MX1: variants seen among roughly 807,000 people sequenced by gnomAD.
The protein encoded by MX1 is MX dynamin like GTPase 1.
A neutral mutation model predicts 66.4 loss-of-function variants in MX1; 66 were observed. The ratio of observed to expected loss-of-function variants is 0.99; its 90% CI spans 0.82 to 1.22. The LOEUF is 1.22. Among genes scored for constraint, MX1 ranks in the 50% most tolerant of loss-of-function variants. The pLI is 0.00. For missense variants in MX1, 787 were observed against 834.3 expected, an observed-to-expected ratio of 0.94 and a Z score of 0.70; for synonymous variants, 311 against 318.1, an observed-to-expected ratio of 0.98 and a Z score of 0.24.
At chr21:41,438,618 G>A (rs116747640) in intron 7 of MX1, among the ~76,000 whole-genome samples, 73 of 152,338 alleles carry the variant, frequency 4.8e-4, no homozygotes, top group African/African-American at 1.6e-3. Flanking sequence ...AGAAAGTCAC[G>A]TGGCCAAGCC....
chr21:41,441,638 C>CG lies in MX1; in HGVS notation c.731-73dup. The stretch of plus-strand genomic sequence containing the variant: ...AGGATGGGAGGAAACCCTGGGAGGC[C>CG]GGGGGCGTGAGCAGTTGTTCGTTCA... On this transcript the variant is annotated intron_variant, in intron 9 of 16. Transcript: ENST00000398598. This position sits in a 1 kb window ranked among gnomAD's most constrained non-coding sequence, Gnocchi z 4.0. 1 of 1,472,782 alleles carries CG rather than the reference C, an allele frequency of 6.8e-7. No individual in the cohort carries two copies. Among genetic ancestry groups the CG allele is most frequent in the Middle Eastern group, 2.0e-4 (1 of 4,946 alleles). The allele number at this position is 1,472,782 out of a possible 1,614,324, so 91.2% of individuals were successfully genotyped here.
In MX1 at chr21:41,451,175, C is replaced by A. The variant is rs149908360; in HGVS notation, c.1441C>A (p.Arg481=). The change falls in exon 15 of 17, where the codon CGG becomes AGG. Residue 481 remains arginine, a synonymous_variant. Transcript: ENST00000398598. ...DMLHTVTDMV[R]LAFTDVSIKN... Reference sequence around the variant, plus strand: ...TTTCTCTCTTTGATTAGATATGGTCCGGCTTGCTTTCACAGATGTTTCGAT... The same window carrying A: ...TTTCTCTCTTTGATTAGATATGGTCAGGCTTGCTTTCACAGATGTTTCGAT... 1.2e-6 allele frequency: 2 copies of A among 1,609,396 alleles called. No individual in the cohort carries two copies. Among genetic ancestry groups the A allele is most frequent in the Admixed American group, 1.7e-5 (1 of 59,904 alleles).
At chr21:41,439,900 T>TGG in intron 8 of MX1, 52 bp downstream of exon 8, 15 of 1,063,992 alleles carry the variant, frequency 1.4e-5, no homozygotes, top group Non-Finnish European at 1.8e-5. Flanking sequence ...GATGGGGGAG[T>TGG]GGAGGGGTGG....
intron 7 of MX1, among the ~76,000 whole-genome samples, chr21:41,438,132 T>C (rs571483430): frequency 1.4e-4 from 22 of 152,370 alleles, no homozygotes; most frequent in Admixed American, 1.2e-3. Context: ...AGACATGAAC[T>C]AATGCCCAGC....
In MX1 at chr21:41,445,981, A is replaced by G. The variant is rs1203762302; in HGVS notation, c.1132-19A>G. The G allele has an allele frequency of 2.5e-6, 4 of 1,613,100 alleles. No individual in the cohort carries two copies. Among genetic ancestry groups the G allele is most frequent in the South Asian group, 2.2e-5 (2 of 91,028 alleles). ...ATTTGAAGTCTATCCACTTATACTGATGTTTTTCTTCTTGACAGAAAGTTA... is the reference window on the plus strand; with the variant it reads ...ATTTGAAGTCTATCCACTTATACTGGTGTTTTTCTTCTTGACAGAAAGTTA... On this transcript the variant is annotated intron_variant, in intron 12 of 16. Transcript: ENST00000398598.
chr21:41,427,101 A>T (rs1019506435), intron 1 of MX1, 105 bp from the exon 2 acceptor site: 9 of 152,256 alleles, frequency 5.9e-5, no homozygotes, highest in African/African-American at 2.2e-4. Context: ...ATTTTAAATC[A>T]CGTTTGTTAC....
rs1262449927 is a variant in MX1 at position 41,441,845 on chromosome 21, A to G, written c.860A>G (p.Gln287Arg). The change falls in exon 10 of 17, where the codon CAG becomes CGG. Residue 287 changes from glutamine (Q) to arginine (R), a missense_variant. Transcript: ENST00000398598. The surrounding 1 kb of genome is among the most constrained non-coding windows in gnomAD (Gnocchi z 4.0). Reference protein sequence around the residue: ...IVKCRGQQEIQDQLSLSEALQ... With the variant: ...IVKCRGQQEIRDQLSLSEALQ... ...AAGTGCCGGGGCCAGCAGGAGATCC[A>G]GGACCAGCTGAGCCTGTCCGAAGCC... 2 of 1,614,222 alleles carry G rather than the reference A, an allele frequency of 1.2e-6. No individual in the cohort carries two copies. Among genetic ancestry groups the G allele is most frequent in the Admixed American group, 1.7e-5 (1 of 60,024 alleles).
chr21:41,431,814 G>A (rs137966670), intron 4 of MX1: 6 of 440,394 alleles, frequency 1.4e-5, no homozygotes, highest in East Asian at 8.8e-5. Flanking sequence ...GGGAGGCAGC[G>A]TTTGTCTTTA....
chr21:41,458,395 C>A, intron 16 of MX1, 133 bp from the exon 17 acceptor site: 1 of 1,095,548 alleles, frequency 9.1e-7, no homozygotes, highest in Non-Finnish European at 1.3e-6. Flanking sequence ...GTTTGAAACC[C>A]AGGGGAAGGT....
intron 16 of MX1, among the ~76,000 whole-genome samples, chr21:41,455,748 T>A (rs967991591): frequency 2.0e-5 from 3 of 152,266 alleles, no homozygotes; most frequent in Non-Finnish European, 4.4e-5. Flanking sequence ...CTGCTGAGTA[T>A]CCCATTTTAT....
chr21:41,445,620 A>C lies in MX1; in HGVS notation c.1131+50A>C, dbSNP rs752628812. 8.1e-6 allele frequency: 13 copies of C among 1,610,960 alleles called. No individual in the cohort carries two copies. The Admixed American group carries it at 2.0e-4, about 25-fold the overall frequency. ...CTGGAGAAGCACATGTCATGGTCAA[A>C]AAAGGGACCCTGGGCCTTATGCACT... On this transcript the variant is annotated intron_variant, in intron 12 of 16. Transcript: ENST00000398598.
At chr21:41,447,901 T>C (rs1036563576) in intron 13 of MX1, among the ~76,000 whole-genome samples, 1 of 152,088 alleles carries the variant, frequency 6.6e-6, no homozygotes, top group Non-Finnish European at 1.5e-5. Flanking sequence ...GTCTAATTTT[T>C]GTATTTTTAG....
At chr21:41,458,402 A>C in intron 16 of MX1, 126 bp from the exon 17 acceptor site, 3 of 1,134,958 alleles carry the variant, frequency 2.6e-6, no homozygotes, top group Non-Finnish European at 3.8e-6. Flanking sequence ...ACCCAGGGGA[A>C]GGTCATTGCC....
intron 13 of MX1, among the ~76,000 whole-genome samples, chr21:41,448,621 C>A (rs181215640): frequency 2.6e-5 from 4 of 151,944 alleles, no homozygotes; most frequent in Non-Finnish European, 4.4e-5. Context: ...CTGGCTAACA[C>A]GGTGAAACCC....
At chr21:41,447,082 G>T (rs467537) in intron 13 of MX1, among the ~76,000 whole-genome samples, 1 of 151,960 alleles carries the variant, frequency 6.6e-6, no homozygotes, top group African/African-American at 2.4e-5. Flanking sequence ...GACTTGGGGG[G>T]GCTTAAACAG....
At chr21:41,442,346 G>A (rs1193368557) in intron 10 of MX1, among the ~76,000 whole-genome samples, 2 of 152,056 alleles carry the variant, frequency 1.3e-5, no homozygotes, top group Non-Finnish European at 2.9e-5. Context: ...ATCTATTAGT[G>A]GTGTTAGGAT....
intron 2 of MX1, among the ~76,000 whole-genome samples, 172 bp from the exon 3 acceptor site, chr21:41,427,583 G>T (rs1459991436): frequency 6.6e-6 from 1 of 152,126 alleles, no homozygotes; most frequent in Non-Finnish European, 1.5e-5. Flanking sequence ...TCCATCTTAG[G>T]CATTTCCTAG....
In MX1 at chr21:41,441,034, G is replaced by T. The variant is rs775713278; in HGVS notation, c.730+9G>T. ...GGGAGACAGGACCATCGGTGAGAGT[G>T]GGGGAGCCCCACTGTGCTCAGTGAG... On this transcript the variant is annotated intron_variant, in intron 9 of 16. Coordinates refer to ENST00000398598, the MANE Select transcript of MX1 (RefSeq NM_002462.5). This position sits in a 1 kb window ranked among gnomAD's most constrained non-coding sequence, Gnocchi z 4.0. 2.5e-6 allele frequency: 4 copies of T among 1,612,388 alleles called. No individual in the cohort carries two copies. The Admixed American group carries it at 5.0e-5, about 20-fold the overall frequency.
chr21:41,443,760 T>C (rs771892809), intron 10 of MX1, 28 bp from the exon 11 acceptor site: 1 of 1,610,866 alleles, frequency 6.2e-7, no homozygotes, highest in Admixed American at 1.7e-5. Flanking sequence ...TACATCAAGG[T>C]GGAAATCGGT....
Sources: allele counts gnomAD v4.1 joint callset (sites outside exome capture counted in the v4.1 genomes callset), GRCh38; gene constraint gnomAD v4.1.1; non-coding constraint Gnocchi (gnomAD v3.1); transcripts MANE v1.5; gene names NCBI Gene and HGNC (gene_info 2026-07-23, HGNC 2026-07-21).